DRC8: variants seen among roughly 807,000 people sequenced by gnomAD.
DRC8 encodes the protein dynein regulatory complex subunit 8.
the DRC8 span, among the ~76,000 whole-genome samples, chr1:244,982,152 C>T: frequency 1.3e-5 from 2 of 152,276 alleles, no homozygotes; most frequent in Admixed American, 1.3e-4. Context: ...ACAGCTACAG[C>T]AAACATTAAA....
chr1:245,107,541 T>C, the DRC8 span, among the ~76,000 whole-genome samples: 1 of 152,180 alleles, frequency 6.6e-6, no homozygotes, highest in Non-Finnish European at 1.5e-5. Context: ...CTAAGAGCTC[T>C]AGGGGCAGAA....
chr1:245,100,898 T>C, the DRC8 span, among the ~76,000 whole-genome samples: 2 of 151,866 alleles, frequency 1.3e-5, no homozygotes, highest in East Asian at 3.9e-4. Context: ...GTTTGTTTGT[T>C]TTTTGAGATG....
chr1:245,099,624 A>AT, the DRC8 span, among the ~76,000 whole-genome samples: 2 of 152,208 alleles, frequency 1.3e-5, no homozygotes, highest in Admixed American at 1.3e-4. Flanking sequence ...AGGCCTATTA[A>AT]TTCTGCCCCG....
chr1:244,980,093 C>A, the DRC8 span, among the ~76,000 whole-genome samples: 26 of 134,464 alleles, frequency 1.9e-4, no homozygotes, highest in Non-Finnish European at 3.4e-4. Context: ...GTGGCAGGTG[C>A]CTGTAGTCCC....
chr1:244,991,911 T>C, the DRC8 span, among the ~76,000 whole-genome samples: 1 of 152,226 alleles, frequency 6.6e-6, no homozygotes, highest in Non-Finnish European at 1.5e-5. Flanking sequence ...ATTGACTGTC[T>C]GGACTGATTT....
At chr1:244,970,397 A>G in the DRC8 span, 15 of 1,538,190 alleles carry the variant, frequency 9.8e-6, no homozygotes, top group African/African-American at 1.4e-5. Flanking sequence ...GGCATCTCCC[A>G]GGCGACCGGC....
chr1:245,017,241 G>T, the DRC8 span: 1 of 1,595,756 alleles, frequency 6.3e-7, no homozygotes, highest in Non-Finnish European at 8.5e-7. Context: ...GTCTTTTGCA[G>T]AGATAATAGT....
chr1:245,048,891 C>T, the DRC8 span, among the ~76,000 whole-genome samples: 1 of 152,122 alleles, frequency 6.6e-6, no homozygotes, highest in African/African-American at 2.4e-5. Flanking sequence ...TGGACATGAA[C>T]TCCTGGGCTC....
chr1:245,101,488 G>A, the DRC8 span, among the ~76,000 whole-genome samples: 3 of 152,144 alleles, frequency 2.0e-5, no homozygotes, highest in South Asian at 2.1e-4. Flanking sequence ...TCTCTATGAC[G>A]TCAGTACTAT....
chr1:245,116,386 T>C, the DRC8 span, among the ~76,000 whole-genome samples: 9 of 152,018 alleles, frequency 5.9e-5, no homozygotes, highest in African/African-American at 2.2e-4. Context: ...AGACCTTGCC[T>C]CTTAAAAACA....
At chr1:244,974,485 C>T in the DRC8 span, among the ~76,000 whole-genome samples, 1 of 152,130 alleles carries the variant, frequency 6.6e-6, no homozygotes, top group African/African-American at 2.4e-5. Context: ...GCCTCTAATT[C>T]AATTATCACC....
At chr1:245,010,261 A>G in the DRC8 span, among the ~76,000 whole-genome samples, 1 of 152,218 alleles carries the variant, frequency 6.6e-6, no homozygotes. Context: ...ATGTGAAGAT[A>G]AAGATTTGGG....
chr1:245,106,580 C>T, the DRC8 span, among the ~76,000 whole-genome samples: 1 of 151,914 alleles, frequency 6.6e-6, no homozygotes, highest in African/African-American at 2.4e-5. Flanking sequence ...AAACTTGCAC[C>T]TTGTTATATC....
chr1:244,991,773 TAAAC>T, the DRC8 span, among the ~76,000 whole-genome samples: 7 of 152,354 alleles, frequency 4.6e-5, no homozygotes, highest in African/African-American at 7.2e-5. Context: ...TTTAAAATCA[TAAAC>T]AAATATTCAC....
chr1:244,981,943 A>G, the DRC8 span, among the ~76,000 whole-genome samples: 1 of 152,206 alleles, frequency 6.6e-6, no homozygotes, highest in African/African-American at 2.4e-5. Context: ...TGAAGGTCAC[A>G]GCCCATTGAC....
the DRC8 span, among the ~76,000 whole-genome samples, chr1:245,046,893 A>G: frequency 3.3e-5 from 5 of 152,226 alleles, no homozygotes; most frequent in South Asian, 1.0e-3. Context: ...ACAAATTGCC[A>G]CTGAAAGGCA....
chr1:245,058,291 A>AG, the DRC8 span, among the ~76,000 whole-genome samples: 1 of 152,096 alleles, frequency 6.6e-6, no homozygotes, highest in African/African-American at 2.4e-5. Flanking sequence ...AAGAAAAAAA[A>AG]CAAGAAAATG....
the DRC8 span, among the ~76,000 whole-genome samples, chr1:245,071,370 G>C: frequency 6.6e-6 from 1 of 152,134 alleles, no homozygotes; most frequent in Non-Finnish European, 1.5e-5. Context: ...ACAGAATGTT[G>C]GTAGAAATAT....
At chr1:245,005,178 TG>T in the DRC8 span, among the ~76,000 whole-genome samples, 1 of 152,296 alleles carries the variant, frequency 6.6e-6, no homozygotes, top group East Asian at 1.9e-4. Flanking sequence ...TCAAGTGTTT[TG>T]TTGAGGATTT....
Sources: allele counts gnomAD v4.1 joint callset (sites outside exome capture counted in the v4.1 genomes callset), GRCh38; gene constraint gnomAD v4.1.1; transcripts MANE v1.5; gene names NCBI Gene and HGNC (gene_info 2026-07-23, HGNC 2026-07-21).